CCDC171: variants seen among roughly 807,000 people sequenced by gnomAD.
The protein encoded by CCDC171 is coiled-coil domain containing 171.
Under a neutral mutation model 168.2 loss-of-function variants are expected in CCDC171, and 177 were observed. The observed-to-expected ratio is 1.05, with a 90% CI of 0.93 to 1.19. CCDC171 has a LOEUF of 1.19. CCDC171 is among the 50% of genes most tolerant of loss of function. The pLI, the probability that CCDC171 is intolerant of heterozygous loss-of-function variation, is 0.00. For synonymous variants in CCDC171, 687 were observed against 540.8 expected (o/e 1.27, Z -3.75); for missense variants, 1,991 against 1,539.0 (o/e 1.29, Z -4.91).
At chr9:15,722,016 C>T (rs551029043) in intron 12 of CCDC171, 141 bp downstream of exon 12, 12 of 366,210 alleles carry the variant, frequency 3.3e-5, no homozygotes, top group African/African-American at 1.5e-4. Flanking sequence ...AATTATCTTT[C>T]GCTGTTCTTT....
chr9:15,820,896 T>A (rs192966733), intron 21 of CCDC171, among the ~76,000 whole-genome samples: 3,381 of 116,798 alleles, frequency 0.029, 1,019 homozygotes, highest in African/African-American at 0.1. Flanking sequence ...AAGAGAATTT[T>A]AGACCAATGT....
chr9:15,650,838 T>C (rs951216758), intron 7 of CCDC171, among the ~76,000 whole-genome samples: 1 of 152,180 alleles, frequency 6.6e-6, no homozygotes, highest in Non-Finnish European at 1.5e-5. Flanking sequence ...ATCTTGAACA[T>C]TGATCATTTC....
At chr9:15,991,964 G>T (rs768345338) in intron 3 of CCDC171, among the ~76,000 whole-genome samples, 5 of 152,144 alleles carry the variant, frequency 3.3e-5, no homozygotes, top group Admixed American at 6.5e-5. Context: ...AAAAGTCCGG[G>T]ATCAGGTGGA....
At chr9:15,877,366 A>G (rs1817982005) in intron 24 of CCDC171, among the ~76,000 whole-genome samples, 3 of 152,134 alleles carry the variant, frequency 2.0e-5, no homozygotes, top group Non-Finnish European at 2.9e-5. Flanking sequence ...AAGCAACAGT[A>G]GCTTGTTTTC....
Position 15,723,841 on chromosome 9 carries a change from T to G in CCDC171, c.1491+95T>G, listed in dbSNP as rs1341760216. 3 of 525,060 alleles carry G rather than the reference T, an allele frequency of 5.7e-6. No homozygotes were observed. The South Asian group carries it at 1.3e-4, about 22-fold the overall frequency. The allele number at this position is 525,060 out of a possible 1,614,324, so 32.5% of individuals were successfully genotyped here. On this transcript the variant is annotated intron_variant, in intron 13 of 25. Transcript: ENST00000380701. ...GTAGAGATATTGAGGTACCTGAAAA[T>G]ATGTATTTCTATTTTTTAAAGTATG...
intron 23 of CCDC171, among the ~76,000 whole-genome samples, chr9:15,862,961 C>A (rs770193): frequency 1.3e-5 from 2 of 151,884 alleles, no homozygotes; most frequent in African/African-American, 4.8e-5. Flanking sequence ...GAGAGCTGGG[C>A]ATTTTTTTTC....
intron 6 of CCDC171, among the ~76,000 whole-genome samples, chr9:15,608,079 GCTCAGGT>G (rs2043352644): frequency 6.6e-6 from 1 of 152,138 alleles, no homozygotes; most frequent in African/African-American, 2.4e-5. Context: ...GAGTGTGCCA[GCTCAGGT>G]CTCTCTTTCT....
At chr9:16,039,132 A>C (rs1833529773), upstream of CCDC171, among the ~76,000 whole-genome samples, 1 of 152,328 alleles carries the variant, frequency 6.6e-6, no homozygotes, top group Admixed American at 6.5e-5. Flanking sequence ...AATGATAATG[A>C]GAGTTGTCCA....
intron 21 of CCDC171, among the ~76,000 whole-genome samples, chr9:15,803,694 A>G (rs145339052): frequency 3.6e-4 from 55 of 151,990 alleles, no homozygotes; most frequent in African/African-American, 1.3e-3. Context: ...GTCAGGTAGC[A>G]TGATACCTCC....
chr9:15,728,682 A>T (rs1198013677), intron 15 of CCDC171, among the ~76,000 whole-genome samples: 1 of 152,114 alleles, frequency 6.6e-6, no homozygotes, highest in African/African-American at 2.4e-5. Context: ...GTCATAGAAA[A>T]TTACAGTGGC....
intron 10 of CCDC171, among the ~76,000 whole-genome samples, chr9:15,683,738 C>T (rs2050193546): frequency 6.6e-6 from 1 of 151,878 alleles, no homozygotes; most frequent in Non-Finnish European, 1.5e-5. Context: ...TTTTGAAAAT[C>T]CAAATCTCAT....
intron 2 of CCDC171, among the ~76,000 whole-genome samples, chr9:15,564,704 A>G (rs1158792193): frequency 6.6e-6 from 1 of 152,250 alleles, no homozygotes; most frequent in Non-Finnish European, 1.5e-5. Context: ...AGTCTATAAT[A>G]CAAAACTGGA....
chr9:15,579,629 A>G (rs945547216), intron 4 of CCDC171, among the ~76,000 whole-genome samples: 1 of 152,214 alleles, frequency 6.6e-6, no homozygotes, highest in Non-Finnish European at 1.5e-5. Context: ...AGGGACCAGA[A>G]AATGATCAAA....
At chr9:15,624,427 T>C (rs1271471514) in intron 7 of CCDC171, among the ~76,000 whole-genome samples, 1 of 152,124 alleles carries the variant, frequency 6.6e-6, no homozygotes, top group Non-Finnish European at 1.5e-5. Context: ...ACTCATCATT[T>C]ACATTAGGTA....
intron 24 of CCDC171, among the ~76,000 whole-genome samples, chr9:15,895,416 C>T (rs1031575376): frequency 2.0e-5 from 3 of 151,992 alleles, no homozygotes; most frequent in Admixed American, 6.6e-5. Flanking sequence ...AGAACATTTC[C>T]ACTTATCGAG....
At chr9:15,917,257 C>T (rs1824655815) in intron 24 of CCDC171, among the ~76,000 whole-genome samples, 1 of 151,802 alleles carries the variant, frequency 6.6e-6, no homozygotes, top group African/African-American at 2.4e-5. Context: ...CTCCTCATAC[C>T]TTCCAGTTTT....
chr9:15,827,764 C>T (rs191387444), intron 21 of CCDC171, among the ~76,000 whole-genome samples: 18 of 152,202 alleles, frequency 1.2e-4, no homozygotes, highest in Admixed American at 1.1e-3. Context: ...GATTAGGCCA[C>T]TTGAGTTCAA....
intron 4 of CCDC171, among the ~76,000 whole-genome samples, chr9:15,582,871 T>C (rs1471362214): frequency 6.6e-6 from 1 of 150,818 alleles, no homozygotes; most frequent in African/African-American, 2.4e-5. Context: ...CCATGGCACA[T>C]GTATACCTAT....
chr9:15,577,502 C>G (rs934917199), intron 3 of CCDC171, among the ~76,000 whole-genome samples: 28 of 152,210 alleles, frequency 1.8e-4, no homozygotes, highest in Non-Finnish European at 3.2e-4. Flanking sequence ...AATCCCATTT[C>G]TACCTGCAAA....
Sources: gnomAD v4.1 joint callset for allele counts (sites outside exome capture counted in the v4.1 genomes callset) on GRCh38, gnomAD v4.1.1 for gene constraint, MANE v1.5 for transcripts, NCBI Gene and HGNC (gene_info 2026-07-23, HGNC 2026-07-21) for gene names.